The following TG variants were observed in gnomAD, a reference collection of about 807,000 sequenced individuals.
TG encodes the protein thyroid hormones.
A neutral mutation model predicts 324.7 loss-of-function variants in TG; 270 were observed. The observed-to-expected ratio is 0.83, with a 90% CI of 0.75 to 0.92. The LOEUF is 0.92. TG is among the 40% of genes least tolerant of loss of function. TG has a pLI of 0.00. For missense variants in TG, 3,591 were observed against 3,456.4 expected (o/e 1.04, Z -0.98); for synonymous variants, 1,401 against 1,327.0 (o/e 1.06, Z -1.21).
At chr8:132,962,871 ATCT>A in intron 28 of TG, 120 bp from the exon 29 acceptor site, 2 of 849,502 alleles carry the variant, frequency 2.4e-6, no homozygotes, top group Admixed American at 3.4e-5. Flanking sequence ...TCTGTTGCAG[ATCT>A]TCTCTAAGTC....
At chr8:132,910,981 A>G (rs1206505273) in intron 18 of TG, among the ~76,000 whole-genome samples, 1 of 152,208 alleles carries the variant, frequency 6.6e-6, no homozygotes, top group Non-Finnish European at 1.5e-5. Flanking sequence ...GGCTGGGAGG[A>G]GAGACCAGGC....
At chr8:132,986,576 C>A (rs1428637707) in intron 35 of TG, among the ~76,000 whole-genome samples, 1 of 152,190 alleles carries the variant, frequency 6.6e-6, no homozygotes, top group African/African-American at 2.4e-5. Flanking sequence ...ATATTGTTAA[C>A]AGAGATAGCT....
chr8:133,070,858 G>T (rs1052443467), intron 41 of TG, among the ~76,000 whole-genome samples: 13 of 152,240 alleles, frequency 8.5e-5, no homozygotes, highest in Admixed American at 5.2e-4. Flanking sequence ...CTTCTCTCTG[G>T]ACAGTAGTTG....
chr8:132,967,355 T>G (rs139075448), intron 30 of TG, among the ~76,000 whole-genome samples: 18 of 152,346 alleles, frequency 1.2e-4, no homozygotes, highest in African/African-American at 4.3e-4. Flanking sequence ...AAATCAACCA[T>G]GTTCCTTGCC....
chr8:133,023,273 A>T (rs138455935), intron 40 of TG, among the ~76,000 whole-genome samples: 1 of 152,214 alleles, frequency 6.6e-6, no homozygotes. Flanking sequence ...TAACAACCAG[A>T]TGTCTATGTA....
intron 19 of TG, 147 bp from the exon 20 acceptor site, chr8:132,912,900 A>G: frequency 2.5e-6 from 2 of 799,368 alleles, no homozygotes; most frequent in Non-Finnish European, 4.1e-6. Flanking sequence ...TCTGGGCCTC[A>G]GTTCCTCCCT....
intron 10 of TG, among the ~76,000 whole-genome samples, chr8:132,890,962 G>A (rs1187075713): frequency 6.6e-6 from 1 of 152,158 alleles, no homozygotes; most frequent in Non-Finnish European, 1.5e-5. Context: ...ATGATGGGAA[G>A]ACAGTCAGGT....
intron 41 of TG, among the ~76,000 whole-genome samples, chr8:133,073,706 T>C (rs1358626140): frequency 2.0e-5 from 3 of 152,082 alleles, no homozygotes; most frequent in Non-Finnish European, 4.4e-5. Flanking sequence ...ATGGGGTGCA[T>C]TTTTTCCTAA....
intron 16 of TG, among the ~76,000 whole-genome samples, chr8:132,905,998 C>A (rs1818622723): frequency 1.3e-5 from 2 of 152,098 alleles, no homozygotes. Context: ...GCAGGCTCAG[C>A]CTGCACAGGA....
At chr8:132,871,636 C>T in intron 4 of TG, 85 bp downstream of exon 4, 2 of 1,403,378 alleles carry the variant, frequency 1.4e-6, no homozygotes, top group Non-Finnish European at 2.0e-6. Context: ...TTAGGGTTTC[C>T]TGCCGAAGTG....
At chr8:133,086,146 A>G (rs1429824819) in intron 41 of TG, among the ~76,000 whole-genome samples, 6 of 152,238 alleles carry the variant, frequency 3.9e-5, no homozygotes, top group Non-Finnish European at 8.8e-5. Flanking sequence ...AATGTCCAGA[A>G]TAGGTAACTC....
At chr8:133,079,819 T>C (rs1049422256) in intron 41 of TG, among the ~76,000 whole-genome samples, 28 of 152,148 alleles carry the variant, frequency 1.8e-4, no homozygotes, top group African/African-American at 6.5e-4. Flanking sequence ...ATACCACTTA[T>C]TGAATGCAAG....
intron 35 of TG, among the ~76,000 whole-genome samples, chr8:132,985,170 A>G (rs1831368715): frequency 1.3e-5 from 2 of 152,240 alleles, no homozygotes; most frequent in African/African-American, 4.8e-5. Flanking sequence ...AAAAAATTCC[A>G]TAAAGCAAAA....
intron 35 of TG, among the ~76,000 whole-genome samples, chr8:132,996,242 C>T (rs556772654): frequency 2.6e-5 from 4 of 152,282 alleles, no homozygotes; most frequent in African/African-American, 4.8e-5. Context: ...GAACACACCA[C>T]GTAGAGGTGA....
At chr8:132,993,202 G>A (rs931470219) in intron 35 of TG, among the ~76,000 whole-genome samples, 11 of 152,146 alleles carry the variant, frequency 7.2e-5, no homozygotes, top group African/African-American at 2.7e-4. Context: ...TTTGACCTAA[G>A]TCAGTATTTA....
At chr8:133,076,469 A>G (rs1362441773) in intron 41 of TG, among the ~76,000 whole-genome samples, 1 of 152,214 alleles carries the variant, frequency 6.6e-6, no homozygotes, top group Non-Finnish European at 1.5e-5. Flanking sequence ...CAAGAAGAGC[A>G]TGCTGGGAAG....
chr8:133,081,478 C>T (rs6990302), intron 41 of TG, among the ~76,000 whole-genome samples: 39,006 of 152,032 alleles, frequency 0.26, 5,315 homozygotes, highest in African/African-American at 0.31. Context: ...GTTGGATCAG[C>T]GGTCCATCTG....
intron 38 of TG, among the ~76,000 whole-genome samples, 189 bp downstream of exon 38, chr8:133,018,186 C>G (rs534579811): frequency 4.6e-5 from 7 of 152,310 alleles, no homozygotes; most frequent in African/African-American, 1.7e-4. Context: ...TGGCTTAACA[C>G]TGTTTTGCTC....
rs528495365 is a variant in TG at position 133,025,223 on chromosome 8, A to G, written c.7036+3073A>G. Among the ~76,000 whole-genome samples the G allele has an allele frequency of 2.0e-5, 3 of 152,318 alleles. 1 individual carries two copies. The South Asian group carries it at 6.2e-4, about 32-fold the overall frequency. On this transcript the variant is annotated intron_variant, in intron 40 of 47. Coordinates refer to ENST00000220616, the MANE Select transcript of TG (RefSeq NM_003235.5). ...ATGATGCAGATTCAGGCTTCTTGCTATGGAGGAGCTATCTCCCGCCTGCCT... is the reference window on the plus strand; with the variant it reads ...ATGATGCAGATTCAGGCTTCTTGCTGTGGAGGAGCTATCTCCCGCCTGCCT...
Sources: allele counts gnomAD v4.1 joint callset (sites outside exome capture counted in the v4.1 genomes callset), GRCh38; gene constraint gnomAD v4.1.1; transcripts MANE v1.5; gene names NCBI Gene and HGNC (gene_info 2026-07-23, HGNC 2026-07-21).